Variants in SLIT3 observed in about 807,000 individuals in gnomAD.
SLIT3 encodes the protein slit guidance ligand 3.
Under a neutral mutation model 184.0 loss-of-function variants are expected in SLIT3, and 68 were observed. The observed-to-expected ratio is 0.37, with a 90% CI of 0.30 to 0.45. The LOEUF is 0.45. SLIT3 is among the 20% of genes least tolerant of loss of function. The pLI, the probability that SLIT3 is intolerant of heterozygous loss-of-function variation, is 1.00. For missense variants in SLIT3, 1,707 were observed against 2,026.0 expected, an observed-to-expected ratio of 0.84 and a Z score of 3.02; for synonymous variants, 831 against 828.6, an observed-to-expected ratio of 1.00 and a Z score of -0.05.
At chr5:169,021,835 C>A (rs1026189986) in intron 4 of SLIT3, among the ~76,000 whole-genome samples, 2 of 152,196 alleles carry the variant, frequency 1.3e-5, no homozygotes, top group African/African-American at 4.8e-5. Context: ...ACCTGCGTTG[C>A]TCACCATGGC....
chr5:169,031,702 G>A (rs1415988145), intron 4 of SLIT3, among the ~76,000 whole-genome samples: 1 of 152,204 alleles, frequency 6.6e-6, no homozygotes, highest in Non-Finnish European at 1.5e-5. Flanking sequence ...GGGGTCAGGA[G>A]GAGCAGGGCA....
chr5:168,955,694 G>A (rs1457355440), intron 4 of SLIT3, among the ~76,000 whole-genome samples: 1 of 152,198 alleles, frequency 6.6e-6, no homozygotes, highest in East Asian at 1.9e-4. Context: ...AAAGCACAAT[G>A]GCCTTAGGCC....
At chr5:169,017,632 G>C (rs13355630) in intron 4 of SLIT3, among the ~76,000 whole-genome samples, 7 of 152,238 alleles carry the variant, frequency 4.6e-5, no homozygotes, top group Non-Finnish European at 7.3e-5. Flanking sequence ...GCCTCTGCAT[G>C]GCAATGGGCT....
At chr5:168,798,884 T>C (rs1050650650) in intron 9 of SLIT3, among the ~76,000 whole-genome samples, 4 of 152,126 alleles carry the variant, frequency 2.6e-5, no homozygotes, top group African/African-American at 4.8e-5. Context: ...ACATTAAACA[T>C]GAGAAAATTG....
intron 4 of SLIT3, among the ~76,000 whole-genome samples, chr5:169,158,373 A>T (rs1432720549): frequency 6.6e-6 from 1 of 152,160 alleles, no homozygotes; most frequent in Non-Finnish European, 1.5e-5. Context: ...TTCTATATCC[A>T]GCCAAAAATA....
chr5:168,707,898 C>T (rs1257715820), intron 26 of SLIT3, 78 bp downstream of exon 26: 7 of 1,572,080 alleles, frequency 4.5e-6, no homozygotes, highest in Non-Finnish European at 6.1e-6. Flanking sequence ...GTACGCAGGG[C>T]ATGGTGCCCC....
intron 4 of SLIT3, among the ~76,000 whole-genome samples, chr5:169,048,892 T>C (rs1488194205): frequency 6.6e-6 from 1 of 152,106 alleles, no homozygotes; most frequent in Non-Finnish European, 1.5e-5. Context: ...CTTCTTGAAA[T>C]ATGGAGTTTC....
chr5:169,055,741 G>A (rs1757978432), intron 4 of SLIT3, among the ~76,000 whole-genome samples: 1 of 151,820 alleles, frequency 6.6e-6, no homozygotes, highest in Non-Finnish European at 1.5e-5. Flanking sequence ...CTGAGGCAGA[G>A]AATGGTTTGA....
intron 3 of SLIT3, among the ~76,000 whole-genome samples, chr5:169,224,524 C>T (rs1764732251): frequency 6.6e-6 from 1 of 151,826 alleles, no homozygotes; most frequent in Non-Finnish European, 1.5e-5. Context: ...TGCACTACCA[C>T]ACGTGGCTAA....
At chr5:168,868,743 G>A (rs1759400101) in intron 5 of SLIT3, among the ~76,000 whole-genome samples, 1 of 105,948 alleles carries the variant, frequency 9.4e-6, no homozygotes, top group Non-Finnish European at 1.8e-5. Context: ...GTGGGAATCT[G>A]CCTCAAAAAA....
chr5:168,705,306 A>C (rs970227532), intron 26 of SLIT3, among the ~76,000 whole-genome samples: 2 of 152,160 alleles, frequency 1.3e-5, no homozygotes, highest in Non-Finnish European at 2.9e-5. Flanking sequence ...AATGAGGGTC[A>C]TTTTAGGAAC....
intron 4 of SLIT3, among the ~76,000 whole-genome samples, chr5:168,907,811 G>C (rs1761102807): frequency 6.6e-6 from 1 of 150,730 alleles, no homozygotes; most frequent in Admixed American, 6.6e-5. Context: ...TGTGTGTATA[G>C]AGAACGAGGT....
chr5:169,132,549 C>A (rs944917743), intron 4 of SLIT3, among the ~76,000 whole-genome samples: 3 of 152,082 alleles, frequency 2.0e-5, no homozygotes. Context: ...AATTCCTGGG[C>A]CAGAGGGTTT....
At chr5:168,910,463 G>C (rs187946378) in intron 4 of SLIT3, among the ~76,000 whole-genome samples, 1 of 152,092 alleles carries the variant, frequency 6.6e-6, no homozygotes, top group Non-Finnish European at 1.5e-5. Context: ...CACAATTGCC[G>C]CCGGGCGTGG....
intron 4 of SLIT3, among the ~76,000 whole-genome samples, chr5:169,167,106 G>A (rs1352873522): frequency 1.3e-5 from 2 of 151,800 alleles, no homozygotes; most frequent in African/African-American, 4.8e-5. Context: ...GGAGTTCAAG[G>A]CTGCAGTGAG....
chr5:168,972,367 G>GTGTGTGTGTGTGTGTGTGTGTA (rs1561582506), intron 4 of SLIT3, among the ~76,000 whole-genome samples: 9 of 151,382 alleles, frequency 5.9e-5, no homozygotes. Context: ...GTGTGTGTGT[G>GTGTGTGTGTGTGTGTGTGTGTA]TGTGTGTGTG....
chr5:168,799,687 T>TTGGTGGTGG (rs58476856), intron 9 of SLIT3, among the ~76,000 whole-genome samples: 2 of 133,360 alleles, frequency 1.5e-5, no homozygotes, highest in Admixed American at 1.5e-4. Context: ...TGTGGAAACA[T>TTGGTGGTGG]TGGTGGTGGT....
In SLIT3 at chr5:168,772,754, C is replaced by T. The variant is rs187683157; in HGVS notation, c.1459+27G>A. ...GGCTGCTGCATTCTGAGTCAGAAAG[C>T]GGGGCCCAGCCCCGTAACCTGATTA... On this transcript the variant is annotated intron_variant, in intron 14 of 35. Transcript: ENST00000519560. The T allele has an allele frequency of 3.6e-4, 588 of 1,613,504 alleles. No homozygotes were observed. In the African/African-American group the frequency reaches 4.6e-3, roughly 13 times the overall value.
At chr5:169,280,959 T>C (rs947466198) in intron 1 of SLIT3, among the ~76,000 whole-genome samples, 5 of 152,028 alleles carry the variant, frequency 3.3e-5, no homozygotes, top group African/African-American at 1.2e-4. Context: ...TGAGCAAAGC[T>C]GGGTCAAGCA....
Sources: gnomAD v4.1 joint callset for allele counts (sites outside exome capture counted in the v4.1 genomes callset) on GRCh38, gnomAD v4.1.1 for gene constraint, MANE v1.5 for transcripts, NCBI Gene and HGNC (gene_info 2026-07-23, HGNC 2026-07-21) for gene names.